The following PAK1 variants were observed in gnomAD, a reference collection of about 807,000 sequenced individuals.
The protein encoded by PAK1 is p21 (RAC1) activated kinase 1.
In PAK1, 29 loss-of-function variants were observed where a neutral mutation model predicts 67.4. That is an observed-to-expected ratio of 0.43 (90% CI 0.32 to 0.59). The LOEUF (loss-of-function observed/expected upper bound fraction) is 0.59, where lower values mean the gene tolerates loss of function less well. Ranked by LOEUF, PAK1 falls within the 20% of genes least tolerant of loss-of-function variation. The probability of loss-of-function intolerance (pLI) is 0.07; values close to 1 mark genes in which losing one functional copy is unlikely to be tolerated. For synonymous variants in PAK1, 223 were observed against 237.4 expected (o/e 0.94, Z 0.56); for missense variants, 337 against 670.7 (o/e 0.50, Z 5.50).
chr11:77,393,646 A>G (rs1951447288), intron 1 of PAK1, among the ~76,000 whole-genome samples: 4 of 152,194 alleles, frequency 2.6e-5, no homozygotes, highest in African/African-American at 7.2e-5. Context: ...CCTGTCCTAT[A>G]TGGTGCAGAA....
intron 14 of PAK1, chr11:77,325,427 A>G (rs1325615354): frequency 6.3e-7 from 1 of 1,596,088 alleles, no homozygotes; most frequent in African/African-American, 1.3e-5. Context: ...TGTAAAGGAC[A>G]ATATATAAAG....
At chr11:77,355,979 C>T (rs940031547) in intron 6 of PAK1, 137 bp from the exon 7 acceptor site, 1 of 621,216 alleles carries the variant, frequency 1.6e-6, no homozygotes, top group African/African-American at 1.9e-5. Flanking sequence ...ATCTATATTA[C>T]TCCTCCTCTG....
intron 12 of PAK1, among the ~76,000 whole-genome samples, chr11:77,336,947 G>C (rs1258846825): frequency 1.3e-5 from 2 of 151,616 alleles, no homozygotes; most frequent in East Asian, 3.9e-4. Flanking sequence ...GCATGTACTG[G>C]ACATTCAATA....
At chr11:77,453,242 T>G (rs1030385368) in intron 1 of PAK1, among the ~76,000 whole-genome samples, 8 of 152,064 alleles carry the variant, frequency 5.3e-5, no homozygotes, top group African/African-American at 1.7e-4. Flanking sequence ...TAGTCCCAGC[T>G]ACTCAGGAGG....
At chr11:77,356,224 A>G (rs892187204) in intron 6 of PAK1, 1 of 161,512 alleles carries the variant, frequency 6.2e-6, no homozygotes, top group African/African-American at 2.4e-5. Flanking sequence ...CTGTAACAAA[A>G]GAAATTAGTT....
At chr11:77,338,192 ATCATC>A (rs1396649590) in intron 11 of PAK1, among the ~76,000 whole-genome samples, 5 of 152,164 alleles carry the variant, frequency 3.3e-5, no homozygotes, top group African/African-American at 1.2e-4. Context: ...ATCAGATGAG[ATCATC>A]TCAGCTTTTC....
intron 2 of PAK1, among the ~76,000 whole-genome samples, chr11:77,384,117 G>A (rs1421186636): frequency 1.3e-5 from 2 of 152,136 alleles, no homozygotes; most frequent in African/African-American, 4.8e-5. Context: ...GACCGAGATG[G>A]GAAAGGGCAT....
the PAK1 span, among the ~76,000 whole-genome samples, chr11:77,497,149 G>C: frequency 6.6e-6 from 1 of 152,112 alleles, no homozygotes; most frequent in Non-Finnish European, 1.5e-5. Flanking sequence ...TCAGGAACTG[G>C]GCGAACATCT....
chr11:77,384,847 A>T (rs894240821), intron 2 of PAK1, among the ~76,000 whole-genome samples: 2 of 152,214 alleles, frequency 1.3e-5, no homozygotes, highest in African/African-American at 4.8e-5. Context: ...GAATATACTA[A>T]AAACCACGGA....
chr11:77,442,960 T>A (rs1207815050), intron 1 of PAK1, among the ~76,000 whole-genome samples: 2 of 152,182 alleles, frequency 1.3e-5, no homozygotes, highest in Non-Finnish European at 2.9e-5. Context: ...TACAGAGATA[T>A]CACCTTCCTT....
intron 1 of PAK1, among the ~76,000 whole-genome samples, chr11:77,423,080 A>G (rs770935737): frequency 2.0e-5 from 3 of 152,106 alleles, no homozygotes; most frequent in African/African-American, 7.2e-5. Context: ...ACAGCTGAAA[A>G]TATTTCTAAT....
chr11:77,459,814 A>AC (rs143211605), intron 1 of PAK1, among the ~76,000 whole-genome samples: 36,577 of 148,628 alleles, frequency 0.25, 5,026 homozygotes, highest in Non-Finnish European at 0.31. Flanking sequence ...TGCCTGAGCC[A>AC]CCCCCGCGAG....
Position 77,353,580 on chromosome 11 carries a change from G to A in PAK1, c.792C>T (p.Gly264=), listed in dbSNP as rs200649525. 8.7e-6 allele frequency: 14 copies of A among 1,609,210 alleles called. No individual in the cohort carries two copies. Among genetic ancestry groups the A allele is most frequent in the Admixed American group, 1.7e-5 (1 of 59,960 alleles). ...LEKLRSIVSV[G]DPKKKYTRFE... Reference sequence around the variant, plus strand: ...ACCGTGTATATTTCTTCTTAGGATCGCCCACACTCACTATGCTTCCTTTGA... The same window carrying A: ...ACCGTGTATATTTCTTCTTAGGATCACCCACACTCACTATGCTTCCTTTGA... The change falls in exon 8 of 15, where the codon GGC becomes GGT. Residue 264 remains glycine (G), a synonymous_variant. Coordinates refer to ENST00000356341, the MANE Select transcript of PAK1 (RefSeq NM_002576.5).
intron 1 of PAK1, among the ~76,000 whole-genome samples, chr11:77,420,122 G>A (rs966802355): frequency 4.6e-5 from 7 of 152,152 alleles, no homozygotes; most frequent in African/African-American, 1.4e-4. Context: ...CTAGGAAAAG[G>A]TTCATGGAAG....
intron 1 of PAK1, among the ~76,000 whole-genome samples, chr11:77,426,955 G>A (rs550324526): frequency 7.9e-5 from 12 of 152,164 alleles, no homozygotes; most frequent in South Asian, 2.1e-4. Context: ...ACAAAGCCCC[G>A]GAAGAATGAA....
At chr11:77,327,023 A>T in intron 14 of PAK1, among the ~76,000 whole-genome samples, 1 of 152,208 alleles carries the variant, frequency 6.6e-6, no homozygotes, top group Non-Finnish European at 1.5e-5. Context: ...CAACTGGAAG[A>T]AAGGGTATCA....
chr11:77,435,118 C>CA (rs11452381), intron 1 of PAK1, among the ~76,000 whole-genome samples: 10,795 of 128,612 alleles, frequency 0.084, 1,002 homozygotes, highest in East Asian at 0.27. Flanking sequence ...TGTGAATATA[C>CA]AAAAAAAAAA....
chr11:77,394,716 G>A (rs576471001), intron 1 of PAK1, among the ~76,000 whole-genome samples: 9 of 152,190 alleles, frequency 5.9e-5, no homozygotes, highest in South Asian at 2.1e-4. Flanking sequence ...ATGGTGGCGC[G>A]CGCCTGTAGT....
chr11:77,324,257 C>A (rs1489534709), intron 14 of PAK1, among the ~76,000 whole-genome samples: 1 of 148,458 alleles, frequency 6.7e-6, no homozygotes, highest in East Asian at 2.0e-4. Context: ...ACTGCAACCT[C>A]CGCCTCCTGG....
Sources: gnomAD v4.1 joint callset for allele counts (sites outside exome capture counted in the v4.1 genomes callset) on GRCh38, gnomAD v4.1.1 for gene constraint, MANE v1.5 for transcripts, NCBI Gene and HGNC (gene_info 2026-07-23, HGNC 2026-07-21) for gene names.